ARHGAP22: variants seen among roughly 807,000 people sequenced by gnomAD.
ARHGAP22 encodes the protein rho GTPase-activating protein 22.
ARHGAP22 carries 48 observed loss-of-function variants against 59.1 expected under a neutral mutation model. The observed-to-expected ratio is 0.81, with a 90% CI of 0.64 to 1.03. ARHGAP22 has a LOEUF of 1.03. Ranked by LOEUF, ARHGAP22 falls within the 50% of genes least tolerant of loss-of-function variation. ARHGAP22 has a pLI of 0.00. For missense variants in ARHGAP22, 1,015 were observed against 958.7 expected, an observed-to-expected ratio of 1.06 and a Z score of -0.78; for synonymous variants, 445 against 416.4, an observed-to-expected ratio of 1.07 and a Z score of -0.84.
At chr10:48,580,941 A>G (rs1486780615) in intron 2 of ARHGAP22, among the ~76,000 whole-genome samples, 2 of 151,986 alleles carry the variant, frequency 1.3e-5, no homozygotes, top group African/African-American at 4.8e-5. Context: ...AGTAAAAAAA[A>G]AAAAAAAATG....
chr10:48,575,598 C>T (rs371949974), intron 2 of ARHGAP22: 1 of 152,246 alleles, frequency 6.6e-6, no homozygotes, highest in Non-Finnish European at 1.5e-5. Context: ...TACTCAATCA[C>T]ATCAAACTTT....
intron 1 of ARHGAP22, among the ~76,000 whole-genome samples, chr10:48,599,017 C>T (rs1271539354): frequency 6.6e-6 from 1 of 152,158 alleles, no homozygotes; most frequent in Non-Finnish European, 1.5e-5. Flanking sequence ...ATTTCCTTAT[C>T]CGAAAAATGG....
intron 3 of ARHGAP22, among the ~76,000 whole-genome samples, chr10:48,543,941 G>T (rs1260830961): frequency 6.6e-6 from 1 of 152,150 alleles, no homozygotes; most frequent in Non-Finnish European, 1.5e-5. Flanking sequence ...GGCCAACATG[G>T]TGAAACCCCG....
chr10:48,455,119 G>A lies in ARHGAP22; in HGVS notation c.675C>T (p.His225=). 1 of 1,610,946 alleles carries A rather than the reference G, an allele frequency of 6.2e-7. No individual in the cohort carries two copies. The highest frequency in any genetic ancestry group is 8.5e-7 in the Non-Finnish European group (1 of 1,178,796). ...ACAGCTTCAGCAGGGAGGCCACCGTGTGCACGTCTGTTGTGCTGTGGGGGG... is the reference window on the plus strand; with the variant it reads ...ACAGCTTCAGCAGGGAGGCCACCGTATGCACGTCTGTTGTGCTGTGGGGGG... The part of the protein sequence containing the change: ...KPLFDSTTDV[H]TVASLLKLYL... Residue 225 remains histidine (H), a synonymous_variant, in exon 6 of 10, where the codon CAC becomes CAT. Transcript: ENST00000249601.
At chr10:48,526,046 A>G (rs566563124) in intron 3 of ARHGAP22, among the ~76,000 whole-genome samples, 1 of 152,266 alleles carries the variant, frequency 6.6e-6, no homozygotes, top group East Asian at 1.9e-4. Flanking sequence ...ATCTGTTCCT[A>G]ACCCTGAAGC....
chr10:48,653,389 G>T (rs1376625610), upstream of ARHGAP22, among the ~76,000 whole-genome samples: 2 of 152,276 alleles, frequency 1.3e-5, no homozygotes, highest in African/African-American at 2.4e-5. Context: ...CTGCAGGAAG[G>T]TGCACCCTGG....
At chr10:48,567,552 C>G (rs905050773) in intron 2 of ARHGAP22, among the ~76,000 whole-genome samples, 2 of 152,186 alleles carry the variant, frequency 1.3e-5, no homozygotes, top group Non-Finnish European at 2.9e-5. Context: ...CCAAGGTGCA[C>G]GTGATTTTAC....
chr10:48,653,465 T>C (rs1459192742), upstream of ARHGAP22, among the ~76,000 whole-genome samples: 3 of 152,248 alleles, frequency 2.0e-5, no homozygotes, highest in Non-Finnish European at 4.4e-5. Flanking sequence ...CTTGGGGATC[T>C]GTGGACAGTT....
At chr10:48,581,439 G>C (rs1231495834) in intron 2 of ARHGAP22, among the ~76,000 whole-genome samples, 1 of 152,178 alleles carries the variant, frequency 6.6e-6, no homozygotes, top group Non-Finnish European at 1.5e-5. Context: ...TAGCATGCTA[G>C]GTCTCATTCA....
intron 3 of ARHGAP22, among the ~76,000 whole-genome samples, chr10:48,544,728 A>G (rs1416854900): frequency 1.3e-5 from 2 of 152,238 alleles, no homozygotes; most frequent in African/African-American, 2.4e-5. Context: ...AATATATTAC[A>G]TAATTTCAAA....
At chr10:48,551,989 C>G (rs2056931384) in intron 3 of ARHGAP22, among the ~76,000 whole-genome samples, 1 of 152,248 alleles carries the variant, frequency 6.6e-6, no homozygotes, top group African/African-American at 2.4e-5. Context: ...GGGTGGGCAA[C>G]AGGGCCTGCA....
At chr10:48,620,235 G>A (rs1033256749) in intron 1 of ARHGAP22, among the ~76,000 whole-genome samples, 3 of 151,598 alleles carry the variant, frequency 2.0e-5, no homozygotes, top group Non-Finnish European at 4.4e-5. Flanking sequence ...CCTGAGCCAC[G>A]GAGCTGTATG....
intron 2 of ARHGAP22, among the ~76,000 whole-genome samples, chr10:48,580,284 T>C (rs1442016187): frequency 1.3e-5 from 2 of 152,200 alleles, no homozygotes; most frequent in African/African-American, 4.8e-5. Context: ...TGTGGAGGTC[T>C]GGAAAACGTG....
intron 1 of ARHGAP22, among the ~76,000 whole-genome samples, chr10:48,611,807 T>TTCC (rs2060896349): frequency 3.7e-4 from 13 of 35,296 alleles, no homozygotes; most frequent in African/African-American, 1.3e-3. Flanking sequence ...CCTTCCCTTC[T>TTCC]CTTCCCTTCC....
At position 48,614,406 on chromosome 10, in the gene ARHGAP22, A is replaced by G. The variant is rs566866203; in HGVS notation, c.53-31254T>C. On this transcript the variant is annotated intron_variant, in intron 1 of 9. Transcript: ENST00000435790. The stretch of plus-strand genomic sequence containing the variant: ...GAAGTGGATTGAAAATGACTGGTGA[A>G]TTCCAGTTCCAGGAACATTATGGAT... Among the ~76,000 whole-genome samples the G allele has an allele frequency of 1.4e-4, 21 of 152,302 alleles. No individual in the cohort carries two copies. The South Asian group carries it at 4.1e-3, about 30-fold the overall frequency.
chr10:48,431,103 A>G, the ARHGAP22 span: 2 of 757,344 alleles, frequency 2.6e-6, no homozygotes, highest in East Asian at 2.6e-5. Flanking sequence ...AGTACTTCAC[A>G]TGTATAAAAA....
upstream of ARHGAP22, among the ~76,000 whole-genome samples, chr10:48,608,633 C>T (rs902654837): frequency 5.9e-5 from 9 of 152,130 alleles, 1 homozygote; most frequent in South Asian, 1.0e-3. Context: ...GCCAGGAGGT[C>T]GATGCCGCAG....
chr10:48,653,498 G>T (rs1057072254), upstream of ARHGAP22, among the ~76,000 whole-genome samples: 1 of 152,270 alleles, frequency 6.6e-6, no homozygotes, highest in African/African-American at 2.4e-5. Flanking sequence ...GTTCTCAGAA[G>T]GGAGCGCTGG....
At chr10:48,565,122 G>A (rs1435835219) in intron 2 of ARHGAP22, among the ~76,000 whole-genome samples, 1 of 151,780 alleles carries the variant, frequency 6.6e-6, no homozygotes, top group African/African-American at 2.4e-5. Context: ...GACTGTCATG[G>A]AAACCTCACA....
Sources: gnomAD v4.1 joint callset for allele counts (sites outside exome capture counted in the v4.1 genomes callset) on GRCh38, gnomAD v4.1.1 for gene constraint, MANE v1.5 for transcripts, NCBI Gene and HGNC (gene_info 2026-07-23, HGNC 2026-07-21) for gene names.